Variants in TRAK1 observed in about 807,000 individuals in gnomAD.
TRAK1 encodes trafficking kinesin protein 1.
A neutral mutation model predicts 92.1 loss-of-function variants in TRAK1; 33 were observed. The observed-to-expected ratio is 0.36, with a 90% CI of 0.27 to 0.48. TRAK1 has a LOEUF of 0.48. Ranked by LOEUF, TRAK1 falls within the 20% of genes least tolerant of loss-of-function variation. The pLI is 0.99. For missense variants in TRAK1, 1,123 were observed against 1,257.9 expected (o/e 0.89, Z 1.62); for synonymous variants, 521 against 517.3 (o/e 1.01, Z -0.10).
rs549841200 is a variant in TRAK1, at chr3:42,032,389, T to C, written c.-519+18272T>C. ...TGTGCAGTGCAGCGAGGCTGCCCAT[T>C]GTCCCATGTTGTTCGTAGCCAGGCG... On this transcript the variant is annotated intron_variant, in intron 1 of 16. Coordinates refer to the TRAK1 transcript ENST00000487159. 3.9e-5 allele frequency among the ~76,000 whole-genome samples: 6 copies of C among 151,918 alleles called. No individual in the cohort carries two copies. The East Asian group carries it at 9.7e-4, about 25-fold the overall frequency.
At chr3:42,138,098 A>G (rs2149204009) in intron 2 of TRAK1, among the ~76,000 whole-genome samples, 1 of 152,326 alleles carries the variant, frequency 6.6e-6, no homozygotes, top group South Asian at 2.1e-4. Flanking sequence ...TAGAAATTGT[A>G]GTGTGGTTTT....
intron 1 of TRAK1, among the ~76,000 whole-genome samples, chr3:42,068,194 C>T (rs771419756): frequency 6.6e-6 from 1 of 152,102 alleles, no homozygotes; most frequent in Non-Finnish European, 1.5e-5. Flanking sequence ...CTTACTCTGC[C>T]ACCCAGGCTG....
intron 3 of TRAK1, among the ~76,000 whole-genome samples, chr3:42,182,417 C>G (rs374331035): frequency 6.6e-6 from 1 of 151,880 alleles, no homozygotes; most frequent in African/African-American, 2.4e-5. Context: ...CTCAGCCTCC[C>G]GAGTCGCTGG....
At chr3:42,205,682 C>G (rs1559385173) in intron 13 of TRAK1, among the ~76,000 whole-genome samples, 1 of 152,200 alleles carries the variant, frequency 6.6e-6, no homozygotes, top group African/African-American at 2.4e-5. Context: ...AAAGGATACA[C>G]TTCAAAGCTG....
chr3:42,211,336 AT>A (rs1447531312), intron 14 of TRAK1: 2 of 985,090 alleles, frequency 2.0e-6, no homozygotes, highest in Admixed American at 6.2e-5. Flanking sequence ...AAGTCATGTG[AT>A]TTGTTTAGCA....
intron 2 of TRAK1, among the ~76,000 whole-genome samples, chr3:42,140,257 G>T (rs1323218657): frequency 6.6e-6 from 1 of 152,158 alleles, no homozygotes; most frequent in Non-Finnish European, 1.5e-5. Flanking sequence ...TTGGGAGGGG[G>T]TAGTTGACAG....
intron 2 of TRAK1, among the ~76,000 whole-genome samples, chr3:42,133,498 G>A (rs560046797): frequency 6.6e-5 from 10 of 152,328 alleles, no homozygotes; most frequent in Non-Finnish European, 1.0e-4. Flanking sequence ...TGGGACTACA[G>A]GTGCATACTG....
intron 1 of TRAK1, among the ~76,000 whole-genome samples, chr3:42,027,439 C>T (rs537631120): frequency 1.1e-4 from 16 of 151,798 alleles, no homozygotes; most frequent in South Asian, 2.1e-4. Context: ...AGGAGAATGG[C>T]GTTAACCCGG....
chr3:42,079,630 C>A (rs1370738700), intron 1 of TRAK1, among the ~76,000 whole-genome samples: 1 of 152,000 alleles, frequency 6.6e-6, no homozygotes, highest in Non-Finnish European at 1.5e-5. Context: ...CAGGCGCTCA[C>A]CACCATGCCT....
intron 1 of TRAK1, among the ~76,000 whole-genome samples, chr3:42,033,624 A>C (rs2148894686): frequency 6.6e-6 from 1 of 151,728 alleles, no homozygotes; most frequent in East Asian, 1.9e-4. Context: ...GATTTTGGGC[A>C]GGTCCTTAGC....
chr3:42,117,887 G>A (rs1400308929), intron 1 of TRAK1, among the ~76,000 whole-genome samples: 1 of 151,800 alleles, frequency 6.6e-6, no homozygotes, highest in Non-Finnish European at 1.5e-5. Context: ...GCCTGATCTC[G>A]GCTCACTGCC....
At chr3:42,151,782 A>G (rs1391496661) in intron 2 of TRAK1, among the ~76,000 whole-genome samples, 1 of 152,206 alleles carries the variant, frequency 6.6e-6, no homozygotes, top group African/African-American at 2.4e-5. Flanking sequence ...GTTTATATGT[A>G]CCTGTCTTTT....
At chr3:42,060,625 CTT>C (rs1299725245) in intron 1 of TRAK1, among the ~76,000 whole-genome samples, 10,550 of 122,914 alleles carry the variant, frequency 0.086, 327 homozygotes, top group Non-Finnish European at 0.11. Flanking sequence ...TTTTTGGCTG[CTT>C]TTTTTTTTTT....
chr3:42,127,667 A>C (rs1710766404), intron 2 of TRAK1, among the ~76,000 whole-genome samples: 2 of 152,066 alleles, frequency 1.3e-5, no homozygotes, highest in African/African-American at 4.8e-5. Flanking sequence ...GGCACCATTC[A>C]CACTTTGATT....
At chr3:42,074,635 G>A (rs1447614781) in intron 1 of TRAK1, among the ~76,000 whole-genome samples, 1 of 151,464 alleles carries the variant, frequency 6.6e-6, no homozygotes, top group Non-Finnish European at 1.5e-5. Flanking sequence ...TTAATGTTCA[G>A]CAGCAAAATG....
At chr3:42,168,926 C>T (rs1225873860) in intron 2 of TRAK1, among the ~76,000 whole-genome samples, 4 of 152,142 alleles carry the variant, frequency 2.6e-5, no homozygotes, top group Admixed American at 1.3e-4. Context: ...CAGGTTCAAG[C>T]GATTCTCCTG....
intron 1 of TRAK1, among the ~76,000 whole-genome samples, chr3:42,038,452 A>G (rs1446983869): frequency 2.0e-5 from 3 of 152,158 alleles, no homozygotes; most frequent in Non-Finnish European, 4.4e-5. Context: ...AGCTGGGACC[A>G]CAGGTGTGTG....
intron 2 of TRAK1, among the ~76,000 whole-genome samples, chr3:42,173,071 G>C (rs933625917): frequency 5.3e-5 from 8 of 152,152 alleles, no homozygotes; most frequent in Non-Finnish European, 7.4e-5. Context: ...GCTTGAACCA[G>C]GGAGGCCGAG....
rs1375367851 is a variant in TRAK1, at chr3:42,184,832, G to A, written c.480+31G>A. The stretch of plus-strand genomic sequence containing the variant: ...ACATTGGAGGCCGAGGCTTCCAGAG[G>A]GGCCCGCCACAGGCCTGGGAGCTGG... On this transcript the variant is annotated intron_variant, in intron 4 of 15. Transcript: ENST00000327628. The A allele has an allele frequency of 7.5e-6, 12 of 1,597,474 alleles. No individual in the cohort carries two copies. The Admixed American group carries it at 8.4e-5, about 11-fold the overall frequency.
Sources: allele counts gnomAD v4.1 joint callset (sites outside exome capture counted in the v4.1 genomes callset), GRCh38; gene constraint gnomAD v4.1.1; transcripts MANE v1.5; gene names NCBI Gene and HGNC (gene_info 2026-07-23, HGNC 2026-07-21).